Variants in FRMD6 observed in about 807,000 individuals in gnomAD.
FRMD6 encodes the protein FERM domain-containing protein 6.
Under a neutral mutation model 73.2 loss-of-function variants are expected in FRMD6, and 37 were observed. The observed-to-expected ratio is 0.51, with a 90% CI of 0.39 to 0.66. FRMD6 has a LOEUF of 0.66. Ranked by LOEUF, FRMD6 falls within the 30% of genes least tolerant of loss-of-function variation. The pLI is 0.00. For synonymous variants in FRMD6, 273 were observed against 282.2 expected (o/e 0.97, Z 0.33); for missense variants, 714 against 780.5 (o/e 0.91, Z 1.02).
chr14:51,725,206 G>T (rs1897881627), intron 12 of FRMD6, among the ~76,000 whole-genome samples: 1 of 152,126 alleles, frequency 6.6e-6, no homozygotes, highest in Non-Finnish European at 1.5e-5. Context: ...GCTGTTATTG[G>T]CCCGATTTTA....
At chr14:51,619,483 T>C (rs754153150) in intron 2 of FRMD6, among the ~76,000 whole-genome samples, 1 of 151,898 alleles carries the variant, frequency 6.6e-6, no homozygotes, top group African/African-American at 2.4e-5. Flanking sequence ...TTTGGAAGAG[T>C]TGTCATAAAT....
At chr14:51,530,235 A>T (rs990173913) in intron 1 of FRMD6, among the ~76,000 whole-genome samples, 1 of 152,194 alleles carries the variant, frequency 6.6e-6, no homozygotes, top group Non-Finnish European at 1.5e-5. Context: ...CATACTACAT[A>T]GTGATGGGTT....
intron 10 of FRMD6, among the ~76,000 whole-genome samples, chr14:51,715,755 TTTCCCA>T (rs2140566073): frequency 6.6e-6 from 1 of 152,196 alleles, no homozygotes; most frequent in East Asian, 1.9e-4. Context: ...TCTCTAAGGT[TTTCCCA>T]TGCCTGACTT....
chr14:51,627,642 C>G (rs1299477520), intron 2 of FRMD6, among the ~76,000 whole-genome samples: 9 of 152,198 alleles, frequency 5.9e-5, no homozygotes, highest in Non-Finnish European at 1.2e-4. Flanking sequence ...CAAGCACACT[C>G]CATTTCCATT....
chr14:51,433,498 A>G, the FRMD6 span, among the ~76,000 whole-genome samples: 1 of 152,240 alleles, frequency 6.6e-6, no homozygotes, highest in Admixed American at 6.5e-5. Context: ...CTAAAAGCTC[A>G]TATCATACTA....
At chr14:51,443,958 T>TTC in the FRMD6 span, among the ~76,000 whole-genome samples, 5 of 151,306 alleles carry the variant, frequency 3.3e-5, no homozygotes, top group African/African-American at 4.9e-5. Flanking sequence ...TTTTTTTTTT[T>TTC]CCTCTCGTTG....
chr14:51,602,360 G>T (rs1353318974), intron 2 of FRMD6, among the ~76,000 whole-genome samples: 1 of 152,116 alleles, frequency 6.6e-6, no homozygotes, highest in Admixed American at 6.6e-5. Context: ...ACAGATGTAG[G>T]CTTATGTCTC....
intron 1 of FRMD6, among the ~76,000 whole-genome samples, chr14:51,500,327 G>T (rs950371448): frequency 3.3e-5 from 5 of 152,108 alleles, no homozygotes; most frequent in Admixed American, 6.5e-5. Flanking sequence ...AGGAGTTTGA[G>T]ACCAGCTTGA....
At chr14:51,583,721 G>T (rs1888863165) in intron 2 of FRMD6, among the ~76,000 whole-genome samples, 1 of 152,114 alleles carries the variant, frequency 6.6e-6, no homozygotes, top group Non-Finnish European at 1.5e-5. Context: ...AGGCTCTTTG[G>T]CTACCATGTG....
rs192324969 is a variant in FRMD6 at position 51,679,737 on chromosome 14, T to G, written c.-146-9954T>G. Among the ~76,000 whole-genome samples, 921 of 152,240 alleles carry G rather than the reference T, an allele frequency of 6.0e-3. 40 individuals carry two copies. Among genetic ancestry groups the G allele is most frequent in the Admixed American group, 0.055 (847 of 15,270 alleles). ...ATATTTGAAGATCCCCATCACTTCTTTTATGGGCTTCATTGTAATAGTTGA... is the reference window on the plus strand; with the variant it reads ...ATATTTGAAGATCCCCATCACTTCTGTTATGGGCTTCATTGTAATAGTTGA... On this transcript the variant is annotated intron_variant, in intron 1 of 13. Transcript: ENST00000344768.
intron 1 of FRMD6, among the ~76,000 whole-genome samples, chr14:51,495,764 A>G (rs1011278817): frequency 1.3e-5 from 2 of 152,206 alleles, no homozygotes; most frequent in Admixed American, 6.5e-5. Context: ...TTGGAGAGGT[A>G]GAGGAAATGC....
At chr14:51,713,279 G>GA (rs1897049905) in intron 9 of FRMD6, among the ~76,000 whole-genome samples, 1 of 152,014 alleles carries the variant, frequency 6.6e-6, no homozygotes, top group African/African-American at 2.4e-5. Context: ...CCAACATGGT[G>GA]AAATCCTGTC....
chr14:51,559,528 T>C (rs933928667), intron 1 of FRMD6, among the ~76,000 whole-genome samples: 1 of 151,868 alleles, frequency 6.6e-6, no homozygotes, highest in Non-Finnish European at 1.5e-5. Flanking sequence ...TTCTCAGGCA[T>C]ATGAGAGTTT....
chr14:51,571,656 G>T (rs1381348327), intron 2 of FRMD6, among the ~76,000 whole-genome samples: 1 of 152,142 alleles, frequency 6.6e-6, no homozygotes, highest in African/African-American at 2.4e-5. Flanking sequence ...AGATATGCAT[G>T]ATTTCTTCTC....
chr14:51,434,420 G>A, the FRMD6 span, among the ~76,000 whole-genome samples: 1 of 152,266 alleles, frequency 6.6e-6, no homozygotes, highest in East Asian at 1.9e-4. Context: ...AGAAGGTAAG[G>A]AAGTACTCAA....
chr14:51,422,738 A>C, the FRMD6 span, among the ~76,000 whole-genome samples: 10 of 152,264 alleles, frequency 6.6e-5, no homozygotes, highest in African/African-American at 1.7e-4. Context: ...ATCCATTTGC[A>C]TTCCCGGAGA....
At chr14:51,407,015 G>A in the FRMD6 span, among the ~76,000 whole-genome samples, 28 of 152,062 alleles carry the variant, frequency 1.8e-4, no homozygotes, top group Admixed American at 9.2e-4. Context: ...TTATTTGAGC[G>A]TTCATTGAAA....
intron 1 of FRMD6, among the ~76,000 whole-genome samples, chr14:51,567,104 C>T (rs907972551): frequency 2.0e-5 from 3 of 152,172 alleles, no homozygotes; most frequent in Non-Finnish European, 2.9e-5. Context: ...ATGGGTGCTA[C>T]TCAGCTCCGG....
intron 1 of FRMD6, among the ~76,000 whole-genome samples, chr14:51,558,447 G>A (rs906425038): frequency 1.3e-4 from 20 of 150,952 alleles, no homozygotes; most frequent in African/African-American, 4.6e-4. Flanking sequence ...CAGCCCAGGC[G>A]GCAGAGCAAG....
Sources: allele counts gnomAD v4.1 joint callset (sites outside exome capture counted in the v4.1 genomes callset), GRCh38; gene constraint gnomAD v4.1.1; transcripts MANE v1.5; gene names NCBI Gene and HGNC (gene_info 2026-07-23, HGNC 2026-07-21).